TJP1: variants seen among roughly 807,000 people sequenced by gnomAD.
TJP1 encodes the protein tight junction protein ZO-1.
Under a neutral mutation model 194.2 loss-of-function variants are expected in TJP1, and 43 were observed. The observed-to-expected ratio is 0.22, with a 90% CI of 0.17 to 0.29. The LOEUF is 0.29. TJP1 is among the 10% of genes least tolerant of loss of function. TJP1 has a pLI of 1.00. For synonymous variants in TJP1, 801 were observed against 779.0 expected, an observed-to-expected ratio of 1.03 and a Z score of -0.47; for missense variants, 1,971 against 2,185.7, an observed-to-expected ratio of 0.90 and a Z score of 1.96.
At chr15:29,897,746 G>C (rs1295272348) in intron 2 of TJP1, among the ~76,000 whole-genome samples, 1 of 152,182 alleles carries the variant, frequency 6.6e-6, no homozygotes, top group Non-Finnish European at 1.5e-5. Flanking sequence ...AGTCAAAGGA[G>C]AACATTTTGG....
chr15:29,805,707 T>C (rs567676302), intron 1 of TJP1, among the ~76,000 whole-genome samples: 3 of 152,254 alleles, frequency 2.0e-5, no homozygotes, highest in East Asian at 1.9e-4. Flanking sequence ...CATCAAAAGA[T>C]ATGAGCTTTT....
At chr15:29,968,301 C>G (rs2056399900) in intron 1 of TJP1, 1 of 985,096 alleles carries the variant, frequency 1.0e-6, no homozygotes, top group African/African-American at 1.7e-5. Context: ...TCCGCGAGAG[C>G]CTGGCTGGAA....
chr15:29,734,999 C>A (rs929788420), intron 11 of TJP1, among the ~76,000 whole-genome samples: 1 of 151,684 alleles, frequency 6.6e-6, no homozygotes, highest in Non-Finnish European at 1.5e-5. Flanking sequence ...GAAAAAAAAT[C>A]AAAAGAAAAT....
In TJP1 at chr15:29,726,295, A is replaced by G. The variant is rs190256576; in HGVS notation, c.2412+84T>C. On this transcript the variant is annotated intron_variant, in intron 18 of 27. Coordinates refer to ENST00000614355, the MANE Select transcript of TJP1 (RefSeq NM_001330239.4). Reference sequence around the variant, plus strand: ...ATTTCTCCAATATGTTGATCTAATTAGAAAGCACTGGTATCTCAAAAGCAT... The same window carrying G: ...ATTTCTCCAATATGTTGATCTAATTGGAAAGCACTGGTATCTCAAAAGCAT... 38 of 1,157,802 alleles carry G rather than the reference A, an allele frequency of 3.3e-5. No homozygotes were observed. In the African/African-American group the frequency reaches 5.7e-4, roughly 17 times the overall value. 71.7% of individuals were successfully genotyped at this position (1,157,802 alleles called of 1,614,324 possible).
intron 2 of TJP1, among the ~76,000 whole-genome samples, chr15:29,934,349 A>G (rs1325246936): frequency 2.6e-5 from 4 of 152,244 alleles, no homozygotes; most frequent in Non-Finnish European, 1.5e-5. Flanking sequence ...ATTAAGAGCA[A>G]AACAATTCAC....
chr15:29,724,889 A>C (rs139274907), intron 18 of TJP1, among the ~76,000 whole-genome samples: 11 of 152,334 alleles, frequency 7.2e-5, no homozygotes, highest in Non-Finnish European at 1.5e-4. Flanking sequence ...AGCACACAAG[A>C]CTATCACTAA....
At chr15:29,765,900 A>AAAC (rs140295014) in intron 5 of TJP1, among the ~76,000 whole-genome samples, 31 of 152,046 alleles carry the variant, frequency 2.0e-4, no homozygotes, top group Admixed American at 3.3e-4. Flanking sequence ...ACAACAACAA[A>AAAC]AACAACAACA....
At chr15:29,797,253 G>A (rs996443488) in intron 2 of TJP1, among the ~76,000 whole-genome samples, 1 of 152,244 alleles carries the variant, frequency 6.6e-6, no homozygotes, top group African/African-American at 2.4e-5. Flanking sequence ...GGGCTCAAGC[G>A]ATTCTCCTGC....
At chr15:29,771,307 C>T (rs2046657292) in intron 4 of TJP1, among the ~76,000 whole-genome samples, 1 of 152,100 alleles carries the variant, frequency 6.6e-6, no homozygotes, top group Non-Finnish European at 1.5e-5. Context: ...GGTTACAAGC[C>T]TGTACAGCAT....
At chr15:29,921,618 T>G (rs2054361219) in intron 2 of TJP1, among the ~76,000 whole-genome samples, 1 of 152,218 alleles carries the variant, frequency 6.6e-6, no homozygotes, top group Non-Finnish European at 1.5e-5. Context: ...TTCTCTCCCC[T>G]GCTGGATCCC....
chr15:29,914,209 C>G (rs2054111200), intron 2 of TJP1, among the ~76,000 whole-genome samples: 1 of 152,182 alleles, frequency 6.6e-6, no homozygotes, highest in African/African-American at 2.4e-5. Context: ...TGGATTACAC[C>G]TTAAATAAAT....
At chr15:29,741,296 A>G (rs773578776) in intron 10 of TJP1, 35 bp downstream of exon 10, 2 of 1,482,006 alleles carry the variant, frequency 1.3e-6, no homozygotes, top group Non-Finnish European at 1.9e-6. Flanking sequence ...TTAATAATGA[A>G]CAAAGAAAAC....
intron 2 of TJP1, among the ~76,000 whole-genome samples, chr15:29,793,197 G>C (rs2048202188): frequency 6.6e-6 from 1 of 152,174 alleles, no homozygotes; most frequent in African/African-American, 2.4e-5. Flanking sequence ...GATCTTACAG[G>C]AAAGGCTTTT....
chr15:29,771,753 C>T (rs968715327), intron 4 of TJP1, among the ~76,000 whole-genome samples: 9 of 150,366 alleles, frequency 6.0e-5, no homozygotes, highest in African/African-American at 2.0e-4. Flanking sequence ...TGCAGTGAGC[C>T]GAGACCGTAC....
At chr15:29,734,130 T>C (rs45540233) in intron 12 of TJP1, 144 bp downstream of exon 12, 11,356 of 586,322 alleles carry the variant, frequency 0.019, 158 homozygotes, top group South Asian at 0.05. Flanking sequence ...CTAAATGACT[T>C]AGAATTACAT....
chr15:29,701,284 G>T lies in TJP1; in HGVS notation c.*311C>A, dbSNP rs556797718. 4 of 266,690 alleles carry T rather than the reference G, an allele frequency of 1.5e-5. No individual in the cohort carries two copies. The South Asian group carries it at 3.8e-4, about 25-fold the overall frequency. 16.5% of individuals were successfully genotyped at this position (266,690 alleles called of 1,614,324 possible). A position where few individuals can be genotyped will look rare whatever the true frequency, so the allele number is the denominator to read the frequency against. ...TCAAATGCACCCCCATTTACTGGCT[G>T]GTATTTTAACGGAAATCAATATGTG... On this transcript the variant is annotated 3_prime_UTR_variant, in exon 28 of 28. Transcript: ENST00000614355.
intron 26 of TJP1, 23 bp downstream of exon 26, chr15:29,705,505 A>C: frequency 1.2e-6 from 2 of 1,612,246 alleles, no homozygotes; most frequent in Non-Finnish European, 8.5e-7. Context: ...ATCAAAACTA[A>C]GGAGAAAAAT....
intron 2 of TJP1, among the ~76,000 whole-genome samples, chr15:29,828,893 C>T (rs1189687053): frequency 6.6e-6 from 1 of 152,064 alleles, no homozygotes; most frequent in African/African-American, 2.4e-5. Flanking sequence ...ACCACAATGC[C>T]TGGCTAGGTT....
chr15:29,753,345 G>A (rs1476956945), intron 8 of TJP1, among the ~76,000 whole-genome samples: 2 of 151,990 alleles, frequency 1.3e-5, no homozygotes, highest in South Asian at 2.1e-4. Flanking sequence ...TTAGCCAGGC[G>A]TGGTGGCGGG....
Sources: allele counts gnomAD v4.1 joint callset (sites outside exome capture counted in the v4.1 genomes callset), GRCh38; gene constraint gnomAD v4.1.1; transcripts MANE v1.5; gene names NCBI Gene and HGNC (gene_info 2026-07-23, HGNC 2026-07-21).